Variants in NOL4 observed in about 807,000 individuals in gnomAD.
NOL4 encodes nucleolar protein 4.
NOL4 carries 17 observed loss-of-function variants against 75.9 expected under a neutral mutation model. That is an observed-to-expected ratio of 0.22 (90% CI 0.15 to 0.34). NOL4 has a LOEUF of 0.34. Ranked by LOEUF, NOL4 falls within the 10% of genes least tolerant of loss-of-function variation. NOL4 has a pLI of 1.00. For missense variants in NOL4, 614 were observed against 793.5 expected, an observed-to-expected ratio of 0.77 and a Z score of 2.72; for synonymous variants, 292 against 289.9, an observed-to-expected ratio of 1.01 and a Z score of -0.07.
chr18:34,173,563 A>G (rs536370810), intron 1 of NOL4, among the ~76,000 whole-genome samples: 44 of 152,278 alleles, frequency 2.9e-4, no homozygotes, highest in African/African-American at 9.9e-4. Context: ...ATAATAAAAT[A>G]GTGTTTTAAA....
intron 4 of NOL4, among the ~76,000 whole-genome samples, chr18:34,098,624 T>C (rs2078899603): frequency 6.6e-6 from 1 of 152,190 alleles, no homozygotes; most frequent in Admixed American, 6.5e-5. Context: ...TTAGGGGTGG[T>C]ACATAGCAAA....
intron 2 of NOL4, among the ~76,000 whole-genome samples, chr18:34,120,784 A>G (rs1183796169): frequency 6.6e-6 from 1 of 152,194 alleles, no homozygotes; most frequent in African/African-American, 2.4e-5. Context: ...AAAGAAGGCA[A>G]AGCATTTCAC....
chr18:34,051,361 A>G (rs1270184151), intron 5 of NOL4, among the ~76,000 whole-genome samples: 2 of 152,172 alleles, frequency 1.3e-5, no homozygotes, highest in African/African-American at 4.8e-5. Context: ...TTATTGGTTT[A>G]TAAAATTCAA....
chr18:33,894,598 G>A (rs1380684197), intron 9 of NOL4, among the ~76,000 whole-genome samples: 2 of 152,092 alleles, frequency 1.3e-5, no homozygotes, highest in Non-Finnish European at 2.9e-5. Flanking sequence ...TCTGACTTGA[G>A]AAGCCAAAGT....
At chr18:33,868,899 A>G (rs1233498090) in intron 10 of NOL4, among the ~76,000 whole-genome samples, 1 of 152,056 alleles carries the variant, frequency 6.6e-6, no homozygotes, top group African/African-American at 2.4e-5. Context: ...GTATTATAAA[A>G]ATCCAATACA....
At chr18:34,039,520 T>C (rs1177757061) in intron 5 of NOL4, among the ~76,000 whole-genome samples, 1 of 152,046 alleles carries the variant, frequency 6.6e-6, no homozygotes, top group Non-Finnish European at 1.5e-5. Flanking sequence ...CCTCCATTTC[T>C]GTATAAAGTT....
At chr18:34,031,233 G>T (rs571346377) in intron 5 of NOL4, among the ~76,000 whole-genome samples, 1 of 152,136 alleles carries the variant, frequency 6.6e-6, no homozygotes, top group Admixed American at 6.5e-5. Context: ...TGTATCTAGC[G>T]CAGTGCTAGT....
At chr18:34,003,672 G>A (rs183123058) in intron 6 of NOL4, among the ~76,000 whole-genome samples, 7 of 152,106 alleles carry the variant, frequency 4.6e-5, no homozygotes, top group Non-Finnish European at 8.8e-5. Context: ...GTATAAGGAT[G>A]CCCTAGTGCC....
At chr18:34,222,194 G>A (rs2037365490) in intron 1 of NOL4, 5 of 1,453,160 alleles carry the variant, frequency 3.4e-6, no homozygotes, top group Admixed American at 2.5e-5. Context: ...CGCGGCGCCT[G>A]GGCTAGAGCT....
At chr18:34,053,266 A>C (rs965300036) in intron 5 of NOL4, among the ~76,000 whole-genome samples, 2 of 151,978 alleles carry the variant, frequency 1.3e-5, no homozygotes, top group African/African-American at 4.8e-5. Flanking sequence ...CATACTCTTA[A>C]ATTGCCAAGA....
rs1363818417 is a variant in NOL4, at chr18:34,224,280, AAT to A, written c.-1029_-1028del. ...CTTGAAAACCTTTGCACGAAATTAA[AAT>A]ATATACAGAAAGATCATTTTCCCCT... is the stretch of plus-strand genomic sequence containing the variant. On this transcript the variant is annotated 5_prime_UTR_variant, in exon 1 of 11. The change abolishes the stop of an existing upstream ORF in the 5' untranslated region. Coordinates refer to ENST00000261592, the MANE Select transcript of NOL4 (RefSeq NM_003787.5). 1 of 152,276 alleles carries A rather than the reference AAT, an allele frequency of 6.6e-6. No homozygotes were observed. Among genetic ancestry groups the A allele is most frequent in the African/African-American group, 2.4e-5 (1 of 41,460 alleles). 9.4% of individuals were successfully genotyped at this position (152,276 alleles called of 1,614,324 possible).
intron 9 of NOL4, among the ~76,000 whole-genome samples, chr18:33,934,882 T>G (rs977342419): frequency 1.4e-5 from 2 of 147,674 alleles, no homozygotes; most frequent in Non-Finnish European, 1.5e-5. Flanking sequence ...TTTTTTTTTT[T>G]GATACAGGGT....
At chr18:34,064,548 G>A (rs189624726) in intron 5 of NOL4, among the ~76,000 whole-genome samples, 25 of 151,898 alleles carry the variant, frequency 1.6e-4, no homozygotes, top group Admixed American at 1.4e-3. Flanking sequence ...CATATACTAT[G>A]GTACAGTTTA....
At chr18:34,188,880 A>T (rs866284181) in intron 1 of NOL4, among the ~76,000 whole-genome samples, 89 of 152,302 alleles carry the variant, frequency 5.8e-4, no homozygotes, top group African/African-American at 2.1e-3. Context: ...ATATGAACCC[A>T]AGGTACATGA....
At chr18:34,073,140 GATA>G (rs1218166902) in intron 5 of NOL4, among the ~76,000 whole-genome samples, 1 of 151,852 alleles carries the variant, frequency 6.6e-6, no homozygotes, top group Admixed American at 6.6e-5. Context: ...GCTCATTTGT[GATA>G]ATATTAATAA....
intron 1 of NOL4, among the ~76,000 whole-genome samples, chr18:34,192,375 A>G (rs1302734525): frequency 6.6e-6 from 1 of 152,210 alleles, no homozygotes; most frequent in Non-Finnish European, 1.5e-5. Context: ...TAAAATTTGT[A>G]TAATACCACA....
rs751935447 is a variant in NOL4, at chr18:33,958,330, T to C, written c.1145A>G (p.Asp382Gly). Residue 382 changes from aspartate to glycine, a missense_variant, in exon 7 of 11, where the codon GAT (aspartate) becomes GGT (glycine). Coordinates refer to ENST00000261592, the MANE Select transcript of NOL4 (RefSeq NM_003787.5). ...GAEDLSLNRG[D>G]EDEDDHEDHD... Reference sequence around the variant, plus strand: ...GTCCTCGTGGTCATCTTCGTCCTCATCTCCCCTGTTTAGTGAGAGGTCCTC... The same window carrying C: ...GTCCTCGTGGTCATCTTCGTCCTCACCTCCCCTGTTTAGTGAGAGGTCCTC... 1.9e-6 allele frequency: 3 copies of C among 1,613,792 alleles called. No individual in the cohort carries two copies. Among genetic ancestry groups the C allele is most frequent in the East Asian group, 4.5e-5 (2 of 44,848 alleles).
In NOL4 at chr18:34,127,825, G is replaced by C. The variant is rs1157780063; in HGVS notation, c.414+2046C>G. On this transcript the variant is annotated intron_variant, in intron 2 of 10. Coordinates refer to ENST00000261592, the MANE Select transcript of NOL4 (RefSeq NM_003787.5). ...TAGAATTCAACTGAGAGAGATCAGA[G>C]GGAAAAAGTTTAGGCCAAAAAGAAC... Among the ~76,000 whole-genome samples the C allele has an allele frequency of 2.0e-5, 3 of 151,940 alleles. No homozygotes were observed. In the East Asian group the frequency reaches 5.8e-4, roughly 29 times the overall value.
intron 1 of NOL4, among the ~76,000 whole-genome samples, chr18:34,220,515 T>C (rs1218593823): frequency 7.2e-5 from 11 of 152,198 alleles, no homozygotes; most frequent in Non-Finnish European, 1.2e-4. Flanking sequence ...GTCTTCTTGG[T>C]GACTGTACTC....
Sources: allele counts gnomAD v4.1 joint callset (sites outside exome capture counted in the v4.1 genomes callset), GRCh38; gene constraint gnomAD v4.1.1; transcripts MANE v1.5; gene names NCBI Gene and HGNC (gene_info 2026-07-23, HGNC 2026-07-21).